RAP1GAP2: variants seen among roughly 807,000 people sequenced by gnomAD.
RAP1GAP2 encodes the protein RAP1 GTPase activating protein 2.
A neutral mutation model predicts 95.0 loss-of-function variants in RAP1GAP2; 27 were observed. The ratio of observed to expected loss-of-function variants is 0.28; its 90% CI spans 0.21 to 0.39. The LOEUF (loss-of-function observed/expected upper bound fraction) is 0.39, where lower values mean the gene tolerates loss of function less well. Ranked by LOEUF, RAP1GAP2 falls within the 10% of genes least tolerant of loss-of-function variation. The pLI is 1.00. For synonymous variants in RAP1GAP2, 373 were observed against 380.9 expected, an observed-to-expected ratio of 0.98 and a Z score of 0.24; for missense variants, 771 against 970.0, an observed-to-expected ratio of 0.79 and a Z score of 2.72.
intron 2 of RAP1GAP2, among the ~76,000 whole-genome samples, chr17:2,831,381 ATTTCTTT>A (rs1453976046): frequency 1.3e-5 from 2 of 150,882 alleles, no homozygotes; most frequent in East Asian, 4.0e-4. Context: ...CCAGCCTCCT[ATTTCTTT>A]TTCTTAAATA....
At position 2,902,774 on chromosome 17, in the gene RAP1GAP2, C is replaced by T. The variant is rs192829818; in HGVS notation, c.81-2510C>T. ...AGCTTATCCAGTGTCCAGTAGAGACCGGCCCCAGGAGCTTATCCAGCATCC... is the reference window on the plus strand; with the variant it reads ...AGCTTATCCAGTGTCCAGTAGAGACTGGCCCCAGGAGCTTATCCAGCATCC... On this transcript the variant is annotated intron_variant, in intron 2 of 24. Coordinates refer to ENST00000254695, the MANE Select transcript of RAP1GAP2 (RefSeq NM_015085.5). This position sits in a 1 kb window ranked among gnomAD's most constrained non-coding sequence, Gnocchi z 4.1. Among the ~76,000 whole-genome samples the T allele has an allele frequency of 1.6e-3, 247 of 152,196 alleles. 1 individual carries two copies. The highest frequency in any genetic ancestry group is 5.5e-3 in the African/African-American group (230 of 41,538).
chr17:2,939,763 C>T (rs2043422301), intron 3 of RAP1GAP2, among the ~76,000 whole-genome samples: 1 of 152,302 alleles, frequency 6.6e-6, no homozygotes. Flanking sequence ...CACCTGCTGG[C>T]GTGGGGCCTC....
At chr17:2,959,726 G>T (rs1366658899) in intron 4 of RAP1GAP2, among the ~76,000 whole-genome samples, 1 of 152,198 alleles carries the variant, frequency 6.6e-6, no homozygotes, top group Non-Finnish European at 1.5e-5. Context: ...TCAGTCCTGG[G>T]TTCAGGTTCT....
At chr17:2,873,519 C>T (rs1198749413) in intron 2 of RAP1GAP2, among the ~76,000 whole-genome samples, 6 of 128,598 alleles carry the variant, frequency 4.7e-5, no homozygotes, top group Non-Finnish European at 8.0e-5. Context: ...AAAGCAGCAG[C>T]AGCTGCAGAA....
chr17:2,797,398 C>A lies in RAP1GAP2; in HGVS notation c.44+827C>A, dbSNP rs755140905. ...GTTCCCAGTGCTGGCAGCTTCTTCG[C>A]AGCTGGGGAACAGAGTCTGGTGGTT... On this transcript the variant is annotated intron_variant, in intron 1 of 24. Transcript: ENST00000254695. The surrounding 1 kb of genome is among the most constrained non-coding windows in gnomAD (Gnocchi z 5.6). Among the ~76,000 whole-genome samples the A allele has an allele frequency of 1.3e-5, 2 of 152,186 alleles. No individual in the cohort carries two copies. The highest frequency in any genetic ancestry group is 2.9e-5 in the Non-Finnish European group (2 of 68,042).
intron 3 of RAP1GAP2, among the ~76,000 whole-genome samples, chr17:2,936,139 G>C (rs376833152): frequency 3.3e-5 from 5 of 151,398 alleles, no homozygotes; most frequent in Non-Finnish European, 7.4e-5. Context: ...TAAGTTTTAG[G>C]GTACATGTGC....
chr17:2,823,369 A>C (rs1440833653), intron 2 of RAP1GAP2, among the ~76,000 whole-genome samples: 1 of 152,190 alleles, frequency 6.6e-6, no homozygotes, highest in African/African-American at 2.4e-5. Flanking sequence ...CAATGTCTGC[A>C]CGACATACGC....
chr17:2,859,933 G>T (rs1224133197), intron 2 of RAP1GAP2, among the ~76,000 whole-genome samples: 35 of 143,102 alleles, frequency 2.4e-4, no homozygotes, highest in Middle Eastern at 3.6e-3. Context: ...TTGATTGTTT[G>T]TTTTTTTTTT....
intron 2 of RAP1GAP2, among the ~76,000 whole-genome samples, chr17:2,852,749 C>G (rs1479729858): frequency 6.6e-6 from 1 of 151,936 alleles, no homozygotes; most frequent in Non-Finnish European, 1.5e-5. Flanking sequence ...AGTGATGCTT[C>G]GGAGGGGTGA....
intron 8 of RAP1GAP2, among the ~76,000 whole-genome samples, chr17:2,969,610 T>C (rs1295302523): frequency 6.7e-6 from 1 of 149,536 alleles, no homozygotes; most frequent in Non-Finnish European, 1.5e-5. Context: ...CAAGCAATTG[T>C]CCTGCCTCAG....
intron 2 of RAP1GAP2, among the ~76,000 whole-genome samples, chr17:2,850,231 A>G (rs897448743): frequency 6.7e-6 from 1 of 149,024 alleles, no homozygotes; most frequent in Non-Finnish European, 1.5e-5. Flanking sequence ...CGATCTCCTG[A>G]CCTCATGATC....
rs577878816 is a variant in RAP1GAP2 at position 3,005,957 on chromosome 17, C to T, written c.1275C>T (p.Gly425=). The part of the protein sequence containing the change: ...PLPSPPVFQK[G]PEFREFLLTK... ...GAGGTCCGTCTTGTCTCTTCCAGGG[C>T]CCGGAATTCAGGGAGTTTCTGCTCA... Residue 425 remains glycine (G), a splice_region_variant and synonymous_variant, in exon 16 of 25, where the codon GGC becomes GGT. Transcript: ENST00000254695. The surrounding 1 kb of genome is among the most constrained non-coding windows in gnomAD (Gnocchi z 5.2). 1.2e-6 allele frequency: 2 copies of T among 1,613,702 alleles called. No homozygotes were observed. Among genetic ancestry groups the T allele is most frequent in the East Asian group, 2.2e-5 (1 of 44,862 alleles).
chr17:2,800,127 C>T, intron 1 of RAP1GAP2: 4 of 935,914 alleles, frequency 4.3e-6, no homozygotes, highest in Non-Finnish European at 5.1e-6. Flanking sequence ...CCGTGCTGAC[C>T]CCTGAAGCCG....
At chr17:3,019,268 C>T (rs754720620) in intron 18 of RAP1GAP2, among the ~76,000 whole-genome samples, 2 of 152,016 alleles carry the variant, frequency 1.3e-5, no homozygotes, top group Non-Finnish European at 2.9e-5. Context: ...GTGGGCCGGG[C>T]ATGGTGGCTG....
Position 2,829,784 on chromosome 17 carries a change from A to G in RAP1GAP2, c.80+29234A>G, listed in dbSNP as rs2070749432. 2.0e-5 allele frequency among the ~76,000 whole-genome samples: 3 copies of G among 149,146 alleles called. No homozygotes were observed. The South Asian group carries it at 6.3e-4, about 31-fold the overall frequency. Reference sequence around the variant, plus strand: ...TCCTTGGCTTTGGTCTGTGAGTACCATGGTGGTTAAGAGCCTGGTCTCTCT... The same window carrying G: ...TCCTTGGCTTTGGTCTGTGAGTACCGTGGTGGTTAAGAGCCTGGTCTCTCT... On this transcript the variant is annotated intron_variant, in intron 2 of 24. Coordinates refer to ENST00000254695, the MANE Select transcript of RAP1GAP2 (RefSeq NM_015085.5).
At chr17:2,868,516 ATTT>A (rs71153307) in intron 2 of RAP1GAP2, among the ~76,000 whole-genome samples, 6 of 122,820 alleles carry the variant, frequency 4.9e-5, no homozygotes, top group Non-Finnish European at 5.1e-5. Flanking sequence ...ACCAGGTGCA[ATTT>A]TTTTTTTTTT....
intron 3 of RAP1GAP2, among the ~76,000 whole-genome samples, chr17:2,914,093 G>A (rs1021234276): frequency 1.3e-5 from 2 of 151,794 alleles, no homozygotes; most frequent in South Asian, 4.2e-4. Flanking sequence ...GGATGGTCTC[G>A]AACTCCCAAC....
rs2047502195 is a variant in RAP1GAP2 at position 3,037,406 on chromosome 17, T to G, written c.*4045T>G. 1 of 108,748 alleles carries G rather than the reference T, an allele frequency of 9.2e-6. No homozygotes were observed. Among genetic ancestry groups the G allele is most frequent in the Non-Finnish European group, 1.9e-5 (1 of 52,772 alleles). 6.7% of individuals were successfully genotyped at this position (108,748 alleles called of 1,614,324 possible). On this transcript the variant is annotated 3_prime_UTR_variant, in exon 25 of 25. Coordinates refer to ENST00000254695, the MANE Select transcript of RAP1GAP2 (RefSeq NM_015085.5). ...TCCTGCTCCTTAGCATGCGTGCAGCTCTCTCCTGTTTTGGGTGTTCCCCTT... is the reference window on the plus strand; with the variant it reads ...TCCTGCTCCTTAGCATGCGTGCAGCGCTCTCCTGTTTTGGGTGTTCCCCTT...
intron 7 of RAP1GAP2, chr17:2,964,420 T>G (rs1269622761): frequency 1.2e-5 from 3 of 251,278 alleles, no homozygotes; most frequent in Non-Finnish European, 2.3e-5. Flanking sequence ...CCCCTTTTCC[T>G]TGGCCTCTTA....
Sources: allele counts gnomAD v4.1 joint callset (sites outside exome capture counted in the v4.1 genomes callset), GRCh38; gene constraint gnomAD v4.1.1; non-coding constraint Gnocchi (gnomAD v3.1); transcripts MANE v1.5; gene names NCBI Gene and HGNC (gene_info 2026-07-23, HGNC 2026-07-21).